Variants in NRXN1 observed in about 807,000 individuals in gnomAD.
The protein encoded by NRXN1 is neurexin-1.
A neutral mutation model predicts 150.9 loss-of-function variants in NRXN1; 39 were observed. The observed-to-expected ratio is 0.26, with a 90% CI of 0.20 to 0.34. The LOEUF is 0.34. Ranked by LOEUF, NRXN1 falls within the 10% of genes least tolerant of loss-of-function variation. NRXN1 has a pLI of 1.00. For missense variants in NRXN1, 1,815 were observed against 1,949.9 expected, an observed-to-expected ratio of 0.93 and a Z score of 1.30; for synonymous variants, 924 against 757.0, an observed-to-expected ratio of 1.22 and a Z score of -3.62.
chr2:50,325,044 T>A (rs567866973), intron 17 of NRXN1, among the ~76,000 whole-genome samples: 5 of 152,032 alleles, frequency 3.3e-5, no homozygotes, highest in African/African-American at 9.7e-5. Context: ...GGGAAATACA[T>A]GAGGATAGTT....
At chr2:50,720,587 C>A (rs1696515329) in intron 5 of NRXN1, among the ~76,000 whole-genome samples, 1 of 152,174 alleles carries the variant, frequency 6.6e-6, no homozygotes, top group Non-Finnish European at 1.5e-5. Context: ...TTTCATGGGA[C>A]TTAGTGTTTT....
intron 5 of NRXN1, among the ~76,000 whole-genome samples, chr2:50,728,220 TA>T (rs967908651): frequency 6.6e-6 from 1 of 152,136 alleles, no homozygotes; most frequent in South Asian, 2.1e-4. Flanking sequence ...CTTCTGCTAC[TA>T]AAAAAGAGCC....
intron 22 of NRXN1, chr2:49,926,185 C>G (rs1669076067): frequency 2.5e-6 from 1 of 394,782 alleles, no homozygotes; most frequent in Non-Finnish European, 4.5e-6. Flanking sequence ...ACAGTTATGA[C>G]CCATTTCATA....
intron 16 of NRXN1, among the ~76,000 whole-genome samples, chr2:50,467,322 A>C (rs1261781503): frequency 6.6e-6 from 1 of 151,688 alleles, no homozygotes; most frequent in Non-Finnish European, 1.5e-5. Context: ...AGTCTACCTA[A>C]ATAGCTTTAG....
intron 22 of NRXN1, among the ~76,000 whole-genome samples, chr2:49,933,288 G>A (rs992769017): frequency 1.3e-5 from 2 of 151,924 alleles, no homozygotes; most frequent in African/African-American, 2.4e-5. Context: ...GGGTTTCACC[G>A]TGTTAGCCAG....
rs1036641540 is a variant in NRXN1, at chr2:49,974,260, G to A, written c.4129-30469C>T. On this transcript the variant is annotated intron_variant, in intron 21 of 22. Coordinates refer to ENST00000401669, the MANE Select transcript of NRXN1 (RefSeq NM_001330078.2). ...AATGGCTGACGCACTACGGCAGGAAGGGATGCTGCAGTTCCGTCTGCAGTT... is the reference window on the plus strand; with the variant it reads ...AATGGCTGACGCACTACGGCAGGAAAGGATGCTGCAGTTCCGTCTGCAGTT... 5.4e-5 allele frequency: 34 copies of A among 625,028 alleles called. No individual in the cohort carries two copies. In the African/African-American group the frequency reaches 5.8e-4, roughly 11 times the overall value. The allele number at this position is 625,028 out of a possible 1,614,324, so 38.7% of individuals were successfully genotyped here.
intron 17 of NRXN1, among the ~76,000 whole-genome samples, chr2:50,421,346 T>C (rs984536616): frequency 3.3e-5 from 5 of 152,192 alleles, no homozygotes; most frequent in Non-Finnish European, 5.9e-5. Flanking sequence ...ACTTTCTAAA[T>C]GGAGCGACAT....
intron 17 of NRXN1, among the ~76,000 whole-genome samples, chr2:50,316,548 A>G (rs543537428): frequency 6.6e-6 from 1 of 152,192 alleles, no homozygotes; most frequent in Non-Finnish European, 1.5e-5. Flanking sequence ...TCCTTAGGAT[A>G]ATATTTTTAC....
At chr2:50,172,777 A>T (rs192846804) in intron 18 of NRXN1, among the ~76,000 whole-genome samples, 1 of 152,180 alleles carries the variant, frequency 6.6e-6, no homozygotes, top group African/African-American at 2.4e-5. Flanking sequence ...GACCAGCCTA[A>T]TAAATATAGT....
intron 8 of NRXN1, among the ~76,000 whole-genome samples, chr2:50,606,748 A>G (rs1450203024): frequency 6.6e-6 from 1 of 152,208 alleles, no homozygotes; most frequent in East Asian, 1.9e-4. Context: ...AAGATTGAAA[A>G]TTAAAGAATA....
chr2:50,489,767 C>T (rs1004613779), intron 15 of NRXN1, among the ~76,000 whole-genome samples: 1 of 152,088 alleles, frequency 6.6e-6, no homozygotes, highest in Non-Finnish European at 1.5e-5. Flanking sequence ...TTAAAAAATG[C>T]TTTTAGTAGA....
chr2:49,962,253 G>T (rs1003287390), intron 21 of NRXN1, among the ~76,000 whole-genome samples: 13 of 152,212 alleles, frequency 8.5e-5, no homozygotes, highest in African/African-American at 3.1e-4. Context: ...GAAGCAACAT[G>T]GATTATCTCT....
At chr2:50,443,817 GACTTT>G in intron 17 of NRXN1, among the ~76,000 whole-genome samples, 2 of 152,106 alleles carry the variant, frequency 1.3e-5, no homozygotes, top group African/African-American at 4.8e-5. Context: ...AAACCTTCCA[GACTTT>G]CAATATACAC....
chr2:50,512,419 T>C (rs1018347680), intron 12 of NRXN1, among the ~76,000 whole-genome samples: 4 of 151,868 alleles, frequency 2.6e-5, no homozygotes, highest in African/African-American at 4.9e-5. Context: ...CATGTAATTA[T>C]GTTACAACTA....
intron 5 of NRXN1, among the ~76,000 whole-genome samples, chr2:50,859,393 T>C (rs1372779811): frequency 2.6e-5 from 4 of 152,022 alleles, no homozygotes; most frequent in Non-Finnish European, 4.4e-5. Context: ...AAAGCCACAG[T>C]ACACTGCATG....
At chr2:49,923,357 A>C (rs181555493) in intron 22 of NRXN1, among the ~76,000 whole-genome samples, 10 of 152,252 alleles carry the variant, frequency 6.6e-5, no homozygotes, top group Non-Finnish European at 1.5e-4. Context: ...CTGAATCTCT[A>C]TCCTCTCGCT....
In NRXN1 at chr2:50,091,366, C is replaced by T. The variant is rs200179221; in HGVS notation, c.3675G>A (p.Thr1225=). The change falls in exon 19 of 23, where the codon ACG becomes ACA. Residue 1225 remains threonine (T), a synonymous_variant. Transcript: ENST00000401669. ...VRFTRSGGNA[T]LQVDSWPVIE... is the part of the protein sequence containing the mutation. ...TCACTGGCCAGCTGTCCACCTGCAA[C>T]GTGGCATTGCCACCACTCCTCGTGA... is the stretch of plus-strand genomic sequence containing the variant. The T allele has an allele frequency of 1.6e-5, 26 of 1,614,088 alleles. No homozygotes were observed. Among genetic ancestry groups the T allele is most frequent in the East Asian group, 4.5e-5 (2 of 44,878 alleles).
intron 17 of NRXN1, among the ~76,000 whole-genome samples, chr2:50,366,749 C>T (rs1413053780): frequency 7.9e-5 from 12 of 151,872 alleles, no homozygotes; most frequent in South Asian, 2.1e-4. Context: ...TGAATGCCCA[C>T]GACAATACCA....
At chr2:49,995,345 A>G (rs1225046774) in intron 21 of NRXN1, among the ~76,000 whole-genome samples, 2 of 152,228 alleles carry the variant, frequency 1.3e-5, no homozygotes, top group Non-Finnish European at 2.9e-5. Context: ...ATGTGTAATT[A>G]TAGGGGTGTT....
Sources: gnomAD v4.1 joint callset for allele counts (sites outside exome capture counted in the v4.1 genomes callset) on GRCh38, gnomAD v4.1.1 for gene constraint, MANE v1.5 for transcripts, NCBI Gene and HGNC (gene_info 2026-07-23, HGNC 2026-07-21) for gene names.